Variants in BTN3A2 observed in about 807,000 individuals in gnomAD.
The protein encoded by BTN3A2 is butyrophilin subfamily 3 member A2.
Under a neutral mutation model 37.6 loss-of-function variants are expected in BTN3A2, and 25 were observed. That is an observed-to-expected ratio of 0.66 (90% confidence interval 0.48 to 0.93). The LOEUF (loss-of-function observed/expected upper bound fraction) is 0.93. Among genes scored for constraint, BTN3A2 ranks in the 40% least tolerant of loss-of-function variants. The pLI is 0.00. For synonymous variants in BTN3A2, 122 were observed against 159.4 expected (o/e 0.77, Z 1.77); for missense variants, 266 against 410.9 (o/e 0.65, Z 3.05).
In BTN3A2 at chr6:26,370,342, G is replaced by A. The variant is rs749453475; in HGVS notation, c.454G>A (p.Val152Ile). 18 of 1,614,010 alleles carry A rather than the reference G, an allele frequency of 1.1e-5. No homozygotes were observed. Among genetic ancestry groups the A allele is most frequent in the Admixed American group, 1.7e-5 (1 of 60,004 alleles). Residue 152 changes from valine (V) to isoleucine (I), a missense_variant, in exon 5 of 11, where the codon GTC becomes ATC. This residue lies in a region of BTN3A2 where 204 missense variants were observed against 232.6 expected (regional missense o/e 0.88). Coordinates refer to ENST00000377708, the MANE Select transcript of BTN3A2 (RefSeq NM_007047.5). Reference protein sequence around the residue: ...KVAALGSNLHVEVKGYEDGGI... With the variant: ...KVAALGSNLHIEVKGYEDGGI... The stretch of plus-strand genomic sequence containing the variant: ...CACAGCACTGGGTTCTAATCTTCAC[G>A]TCGAAGTGAAGGGTTATGAGGATGG...
intron 6 of BTN3A2, 32 bp downstream of exon 6, chr6:26,373,129 T>G: frequency 6.2e-7 from 1 of 1,610,872 alleles, no homozygotes; most frequent in Non-Finnish European, 8.5e-7. Flanking sequence ...TCTAAGCTCT[T>G]GGCTTGCATG....
Position 26,368,279 on chromosome 6 carries a change from T to G in BTN3A2, c.85+12T>G. The G allele has an allele frequency of 3.7e-6, 6 of 1,613,162 alleles. No homozygotes were observed. Among genetic ancestry groups the G allele is most frequent in the Non-Finnish European group, 5.1e-6 (6 of 1,179,110 alleles). ...CACTCCTTGCTCAGGTAGGGAATGA[T>G]TCCATGATTCCACATTTATGTTTCT... is the stretch of plus-strand genomic sequence containing the variant. On this transcript the variant is annotated intron_variant, in intron 3 of 10. Coordinates refer to ENST00000377708, the MANE Select transcript of BTN3A2 (RefSeq NM_007047.5).
At chr6:26,366,072 G>A (rs1409589133) in intron 1 of BTN3A2, among the ~76,000 whole-genome samples, 1 of 151,972 alleles carries the variant, frequency 6.6e-6, no homozygotes, top group Admixed American at 6.6e-5. Context: ...CCTAAAGCAT[G>A]ATTTCCCATG....
chr6:26,370,563 C>T lies in BTN3A2; in HGVS notation c.675C>T (p.Ser225=). 6.2e-7 allele frequency: 1 copy of T among 1,614,188 alleles called. No homozygotes were observed. Among genetic ancestry groups the T allele is most frequent in the Non-Finnish European group, 8.5e-7 (1 of 1,180,028 alleles). ...GEGVSCIIRN[S]LLGLEKTASI... is the part of the protein sequence containing the mutation. Reference sequence around the variant, plus strand: ...GTGTATCCTGCATCATCAGAAATTCCCTCCTCGGCCTGGAAAAGACAGCCA... The same window carrying T: ...GTGTATCCTGCATCATCAGAAATTCTCTCCTCGGCCTGGAAAAGACAGCCA... The change falls in exon 5 of 11, where the codon TCC becomes TCT. Residue 225 remains serine (S), a synonymous_variant. Transcript: ENST00000377708.
Position 26,377,881 on chromosome 6 carries a change from G to C in BTN3A2, c.*2119G>C, listed in dbSNP as rs1014565757. 6.5e-6 allele frequency: 1 copy of C among 152,854 alleles called. No homozygotes were observed. Among genetic ancestry groups the C allele is most frequent in the Admixed American group, 6.5e-5 (1 of 15,366 alleles). 9.5% of individuals were successfully genotyped at this position (152,854 alleles called of 1,614,324 possible). A position where few individuals can be genotyped will look rare whatever the true frequency, so the allele number is the denominator to read the frequency against. ...AGAGTGTCTTGGTTGAGAGAATAACGTTGCAGTTCCCACAGGGCATGTGAC... is the reference window on the plus strand; with the variant it reads ...AGAGTGTCTTGGTTGAGAGAATAACCTTGCAGTTCCCACAGGGCATGTGAC... On this transcript the variant is annotated 3_prime_UTR_variant, in exon 11 of 11. Coordinates refer to ENST00000377708, the MANE Select transcript of BTN3A2 (RefSeq NM_007047.5).
At position 26,376,215 on chromosome 6, in the gene BTN3A2, G is replaced by GAAAAAA. The variant is rs71544679; in HGVS notation, c.*469_*474dup. The GAAAAAA allele has an allele frequency of 8.2e-4, 61 of 74,564 alleles. No homozygotes were observed. Among genetic ancestry groups the GAAAAAA allele is most frequent in the South Asian group, 1.4e-3 (3 of 2,188 alleles). The allele number at this position is 74,564 out of a possible 1,614,324, so 4.6% of individuals were successfully genotyped here. On this transcript the variant is annotated 3_prime_UTR_variant, in exon 11 of 11. Transcript: ENST00000377708. ...GAGACAGAGCGAGACTCTGTCTCAA[G>GAAAAAA]AAAAAAAAAAAAAAAAAAAAAGAAA... is the stretch of plus-strand genomic sequence containing the variant.
chr6:26,372,658 A>G (rs183244006), intron 5 of BTN3A2: 134 of 508,644 alleles, frequency 2.6e-4, no homozygotes, highest in African/African-American at 2.2e-3. Context: ...GACTTTGCTC[A>G]AGTTACTTTC....
rs28362606 is a variant in BTN3A2 at position 26,365,358 on chromosome 6, T to C, written c.-67+6T>C. ...TCCAATGGGAATACCAAGGGGTAAG[T>C]GCAGGAAATTGATTAGAGCCTGGGC... is the stretch of plus-strand genomic sequence containing the variant. On this transcript the variant is annotated splice_donor_region_variant and intron_variant, in intron 1 of 10. Coordinates refer to ENST00000377708, the MANE Select transcript of BTN3A2 (RefSeq NM_007047.5). 0.11 allele frequency: 169,231 copies of C among 1,535,552 alleles called. 10,391 individuals are homozygous for C. Among genetic ancestry groups the C allele is most frequent in the Non-Finnish European group, 0.12 (143,023 of 1,146,374 alleles).
intron 10 of BTN3A2, chr6:26,375,173 A>G (rs1760589263): frequency 4.2e-6 from 1 of 239,536 alleles, no homozygotes; most frequent in Non-Finnish European, 8.0e-6. Flanking sequence ...GACTGAAGGA[A>G]TAATGAACAT....
chr6:26,370,729 G>A, intron 5 of BTN3A2, 126 bp downstream of exon 5: 1 of 1,471,956 alleles, frequency 6.8e-7, no homozygotes. Context: ...CACAGACCTG[G>A]AGGCTCCTCT....
chr6:26,375,953 T>C lies in BTN3A2; in HGVS notation c.*191T>C, dbSNP rs1760676416. 1 of 1,257,364 alleles carries C rather than the reference T, an allele frequency of 8.0e-7. No homozygotes were observed. The highest frequency in any genetic ancestry group is 2.3e-5 in the Admixed American group (1 of 44,130). The allele number at this position is 1,257,364 out of a possible 1,614,324, so 77.9% of individuals were successfully genotyped here. ...CCAGCACAGCAGCTCATGCCTGTAA[T>C]CCTAGCACTTTGGAAGGCTGAGGAG... On this transcript the variant is annotated 3_prime_UTR_variant, in exon 11 of 11. Transcript: ENST00000377708.
Position 26,377,846 on chromosome 6 carries a change from T to A in BTN3A2, c.*2084T>A, listed in dbSNP as rs1409041291. ...AGCCTTAGACCCAGCACTCCTTGGA[T>A]TGGCTCTGCAGAGTGTCTTGGTTGA... is the stretch of plus-strand genomic sequence containing the variant. On this transcript the variant is annotated 3_prime_UTR_variant, in exon 11 of 11. Transcript: ENST00000377708. The A allele has an allele frequency of 6.5e-6, 1 of 154,628 alleles. No homozygotes were observed. 9.6% of individuals were successfully genotyped at this position (154,628 alleles called of 1,614,324 possible).
Position 26,365,311 on chromosome 6 carries a change from T to A in BTN3A2, c.-108T>A. 1 of 1,535,762 alleles carries A rather than the reference T, an allele frequency of 6.5e-7. No homozygotes were observed. Among genetic ancestry groups the A allele is most frequent in the Non-Finnish European group, 8.7e-7 (1 of 1,146,604 alleles). On this transcript the variant is annotated 5_prime_UTR_variant, in exon 1 of 11. Coordinates refer to ENST00000377708, the MANE Select transcript of BTN3A2 (RefSeq NM_007047.5). ...AATGGAGAATTATTGATTGACCGTC[T>A]TTATTCTGTGGGCTCTGATTCTCCA...
In BTN3A2 at chr6:26,370,287, C is replaced by T. The variant is rs552100462; in HGVS notation, c.434-35C>T. ...ATTGAGACCCTCCCTAATACAGGAG[C>T]TATCCAGAATTTAGGCCAAATTATC... On this transcript the variant is annotated intron_variant, in intron 4 of 10. Transcript: ENST00000377708. 4.4e-5 allele frequency: 71 copies of T among 1,607,054 alleles called. No homozygotes were observed. In the South Asian group the frequency reaches 5.7e-4, roughly 13 times the overall value.
intron 5 of BTN3A2, among the ~76,000 whole-genome samples, chr6:26,371,135 A>G (rs967691390): frequency 6.6e-6 from 1 of 152,014 alleles, no homozygotes; most frequent in Non-Finnish European, 1.5e-5. Context: ...GGTGGAGTGC[A>G]CCTCTAATCC....
rs1759709925 is a variant in BTN3A2, at chr6:26,368,217, T to C, written c.35T>C (p.Leu12Pro). Residue 12 changes from leucine (L) to proline (P), a missense_variant, in exon 3 of 11, where the codon CTC becomes CCC. Physicochemically the swap from Leu to Pro is moderately conservative, Grantham distance 98 (BLOSUM62 -3). Around this residue, in one of 3 missense-constraint regions of BTN3A2, gnomAD observed 47 missense variants for 77.3 expected, o/e 0.61. Transcript: ENST00000377708. ...GCAAGTTCCCTGGCTTTCCTTCTGC[T>C]CAACTTTCATGTCTCCCTCCTCTTG... is the stretch of plus-strand genomic sequence containing the variant. ...KMASSLAFLL[L>P]NFHVSLLLVQ... The C allele has an allele frequency of 1.2e-6, 2 of 1,614,226 alleles. No individual in the cohort carries two copies. The highest frequency in any genetic ancestry group is 4.5e-5 in the East Asian group (2 of 44,886).
At chr6:26,372,386 A>T (rs1217501531) in intron 5 of BTN3A2, among the ~76,000 whole-genome samples, 2 of 152,200 alleles carry the variant, frequency 1.3e-5, no homozygotes, top group African/African-American at 4.8e-5. Context: ...TTACATTAGT[A>T]GATTAGGCCA....
intron 1 of BTN3A2, among the ~76,000 whole-genome samples, chr6:26,367,533 T>C (rs1267096179): frequency 6.6e-6 from 1 of 152,228 alleles, no homozygotes; most frequent in Non-Finnish European, 1.5e-5. Flanking sequence ...AACTCTACCA[T>C]AGTGGGTCCA....
chr6:26,370,738 C>T (rs886163106), intron 5 of BTN3A2, 135 bp downstream of exon 5: 7 of 1,439,252 alleles, frequency 4.9e-6, no homozygotes, highest in African/African-American at 4.3e-5. Context: ...GGAGGCTCCT[C>T]TTTGTGCCAG....
Sources: gnomAD v4.1 joint callset for allele counts (sites outside exome capture counted in the v4.1 genomes callset) on GRCh38, gnomAD v4.1.1 for gene constraint, gnomAD v4.1.1 regional missense constraint, MANE v1.5 for transcripts, NCBI Gene and HGNC (gene_info 2026-07-23, HGNC 2026-07-21) for gene names.